Variants in LPAR2 observed in about 807,000 individuals in gnomAD.
LPAR2 encodes G protein-coupled receptor.
A neutral mutation model predicts 15.6 loss-of-function variants in LPAR2; 10 were observed. The observed-to-expected ratio is 0.64, with a 90% confidence interval of 0.39 to 1.09. The LOEUF is 1.09. LPAR2 is among the 50% of genes least tolerant of loss of function. The pLI is 0.01. For missense variants in LPAR2, 413 were observed against 484.6 expected (o/e 0.85, Z 1.39); for synonymous variants, 204 against 207.4 (o/e 0.98, Z 0.14).
intron 2 of LPAR2, among the ~76,000 whole-genome samples, chr19:19,625,988 A>G (rs2061738002): frequency 6.7e-6 from 1 of 150,036 alleles, no homozygotes; most frequent in South Asian, 2.1e-4. Context: ...GGTTCAAGCA[A>G]TTCTCCTGCC....
rs557003143 is a variant in LPAR2, at chr19:19,626,719, T to C, written c.566A>G (p.Tyr189Cys). 1.9e-6 allele frequency: 3 copies of C among 1,613,440 alleles called. No homozygotes were observed. Among genetic ancestry groups the C allele is most frequent in the South Asian group, 2.2e-5 (2 of 91,078 alleles). The change falls in exon 2 of 3, where the codon TAT becomes TGT. Residue 189 changes from tyrosine to cysteine, a missense_variant. Coordinates refer to ENST00000407877, the MANE Select transcript of LPAR2 (RefSeq NM_004720.7). This position sits in a 1 kb window ranked among gnomAD's most constrained non-coding sequence, Gnocchi z 5.3. The stretch of plus-strand genomic sequence containing the variant: ...GCTCGACAGAGCCCAGACGGCCAAA[T>C]AGGAGCGGCTGAGCAGGGGTGCCAT...
intron 2 of LPAR2, among the ~76,000 whole-genome samples, chr19:19,625,171 CA>C (rs1369958233): frequency 2.6e-5 from 4 of 151,998 alleles, no homozygotes; most frequent in Admixed American, 2.6e-4. Context: ...GGCTGGAGTG[CA>C]GTGGCACGAT....
In LPAR2 at chr19:19,626,521, GC is replaced by G. The variant is rs35494403; in HGVS notation, c.742+21del. The G allele has an allele frequency of 6.4e-7, 1 of 1,568,948 alleles. No homozygotes were observed. The highest frequency in any genetic ancestry group is 8.6e-7 in the Non-Finnish European group (1 of 1,156,986). On this transcript the variant is annotated intron_variant, in intron 2 of 2. Coordinates refer to ENST00000407877, the MANE Select transcript of LPAR2 (RefSeq NM_004720.7). The surrounding 1 kb of genome is among the most constrained non-coding windows in gnomAD (Gnocchi z 5.3). ...GATAGGGGGAAGCAGGGTCCCTGTT[GC>G]CCCCTGGGGGCCCCACTTACCCAGG...
rs1012647218 is a variant in LPAR2 at position 19,627,375 on chromosome 19, C to T, written c.1-91G>A. On this transcript the variant is annotated intron_variant, in intron 1 of 2. Coordinates refer to ENST00000407877, the MANE Select transcript of LPAR2 (RefSeq NM_004720.7). The surrounding 1 kb of genome is among the most constrained non-coding windows in gnomAD (Gnocchi z 4.7). The stretch of plus-strand genomic sequence containing the variant: ...CAGAGGAGGGTCAGCGCAGGAAGGA[C>T]AAGGGTCTCAAATTCAGATACCTCG... 17 of 1,323,888 alleles carry T rather than the reference C, an allele frequency of 1.3e-5. No homozygotes were observed. Among genetic ancestry groups the T allele is most frequent in the Non-Finnish European group, 1.8e-5 (17 of 962,010 alleles). The allele number at this position is 1,323,888 out of a possible 1,614,324, so 82.0% of individuals were successfully genotyped here.
At position 19,627,124 on chromosome 19, in the gene LPAR2, A is replaced by G; in HGVS notation, c.161T>C (p.Ile54Thr). 6.2e-7 allele frequency: 1 copy of G among 1,612,792 alleles called. No homozygotes were observed. The highest frequency in any genetic ancestry group is 8.5e-7 in the Non-Finnish European group (1 of 1,179,638). Residue 54 changes from isoleucine (I) to threonine (T), a missense_variant, in exon 2 of 3, where the codon ATA (isoleucine) becomes ACA (threonine). Transcript: ENST00000407877. This position sits in a 1 kb window ranked among gnomAD's most constrained non-coding sequence, Gnocchi z 4.7. Reference sequence around the variant, plus strand: ...GCGGCGGTTGGAGGCGATGGCTGCTATGACCAGCAGATTGGTCAGCAGCAC... The same window carrying G: ...GCGGCGGTTGGAGGCGATGGCTGCTGTGACCAGCAGATTGGTCAGCAGCAC...
chr19:19,626,963 G>A lies in LPAR2; in HGVS notation c.322C>T (p.Gln108Ter). The A allele has an allele frequency of 6.2e-7, 1 of 1,611,696 alleles. No individual in the cohort carries two copies. Among genetic ancestry groups the A allele is most frequent in the Non-Finnish European group, 8.5e-7 (1 of 1,179,256 alleles). Residue 108 changes from glutamine (Q) to a stop codon, truncating the protein, a stop_gained, in exon 2 of 3, where the codon CAG becomes TAG. Transcript: ENST00000407877. LOFTEE classifies it high-confidence loss of function. The surrounding 1 kb of genome is among the most constrained non-coding windows in gnomAD (Gnocchi z 5.3). ...GTGAGGCTTGTGTCCAGCAAGCCCT[G>A]CCGCAGGAACCAGCCCTCAAGTGAA...
rs2061727077 is a variant in LPAR2, at chr19:19,623,919, C to T, written c.*337G>A. The T allele has an allele frequency of 3.3e-6, 1 of 301,354 alleles. No homozygotes were observed. Among genetic ancestry groups the T allele is most frequent in the Non-Finnish European group, 6.2e-6 (1 of 160,240 alleles). 18.7% of individuals were successfully genotyped at this position (301,354 alleles called of 1,614,324 possible). A position where few individuals can be genotyped will look rare whatever the true frequency, so the allele number is the denominator to read the frequency against. ...CCCTTATCTCTCCCCACCTTAAAAC[C>T]CTCAGCATCACACAGCAGGAACCAG... is the stretch of plus-strand genomic sequence containing the variant. On this transcript the variant is annotated 3_prime_UTR_variant, in exon 3 of 3. Transcript: ENST00000407877.
At position 19,624,542 on chromosome 19, in the gene LPAR2, C is replaced by T; in HGVS notation, c.770G>A (p.Gly257Asp). 1 of 1,608,584 alleles carries T rather than the reference C, an allele frequency of 6.2e-7. No homozygotes were observed. The highest frequency in any genetic ancestry group is 2.2e-5 in the East Asian group (1 of 44,786). ...ACCATCCAGGAGCAGTACCACCTGG[C>T]CTGGTGTCCAGCAGACCACGAACGC... is the stretch of plus-strand genomic sequence containing the variant. The change falls in exon 3 of 3, where the codon GGC becomes GAC. Residue 257 changes from glycine to aspartate, a missense_variant. Physicochemically the swap from Gly to Asp is moderately conservative, Grantham distance 94 (BLOSUM62 -1). Coordinates refer to ENST00000407877, the MANE Select transcript of LPAR2 (RefSeq NM_004720.7).
chr19:19,626,775 G>A lies in LPAR2; in HGVS notation c.510C>T (p.His170=), dbSNP rs377032012. ...AGCAGCGGTCCAGGGCACAGAGGCA[G>A]TGCCAGGAGTGGGCAGGCAGCAGCC... The change falls in exon 2 of 3, where the codon CAC becomes CAT. Residue 170 remains histidine (H), a synonymous_variant. Transcript: ENST00000407877. The surrounding 1 kb of genome is among the most constrained non-coding windows in gnomAD (Gnocchi z 5.3). 5 of 1,609,312 alleles carry A rather than the reference G, an allele frequency of 3.1e-6. No homozygotes were observed. Among genetic ancestry groups the A allele is most frequent in the Non-Finnish European group, 4.2e-6 (5 of 1,178,278 alleles).
In LPAR2 at chr19:19,624,165, G is replaced by A. The variant is rs992845153; in HGVS notation, c.*91C>T. 18 of 1,316,910 alleles carry A rather than the reference G, an allele frequency of 1.4e-5. No homozygotes were observed. Among genetic ancestry groups the A allele is most frequent in the Middle Eastern group, 4.6e-4 (2 of 4,304 alleles). 81.6% of individuals were successfully genotyped at this position (1,316,910 alleles called of 1,614,324 possible). ...CAGACCTTGTCCTGCCAGTCAGTCA[G>A]TCCTGTTGGTTGGGTTGAGCCAGGA... On this transcript the variant is annotated 3_prime_UTR_variant, in exon 3 of 3. Transcript: ENST00000407877.
Position 19,626,591 on chromosome 19 carries a change from A to G in LPAR2, c.694T>C (p.Tyr232His), listed in dbSNP as rs764763094. The change falls in exon 2 of 3, where the codon TAC becomes CAC. Residue 232 changes from tyrosine (Y) to histidine (H), a missense_variant. Transcript: ENST00000407877. This position sits in a 1 kb window ranked among gnomAD's most constrained non-coding sequence, Gnocchi z 5.3. ...ACCAGGCTGAGCGTGGTCTCTCGGT[A>G]GCGGGGGTGGCAGCTGACATGCTCT... 2 of 1,612,852 alleles carry G rather than the reference A, an allele frequency of 1.2e-6. No homozygotes were observed. Among genetic ancestry groups the G allele is most frequent in the African/African-American group, 2.7e-5 (2 of 74,936 alleles).
In LPAR2 at chr19:19,627,941, G is replaced by C. The variant is rs2061751657; in HGVS notation, c.-1+151C>G. On this transcript the variant is annotated intron_variant, in intron 1 of 2. Transcript: ENST00000407877. This position sits in a 1 kb window ranked among gnomAD's most constrained non-coding sequence, Gnocchi z 4.7. Reference sequence around the variant, plus strand: ...CAAAGACAGCGGTTGGGGAAGGGATGGATGGCCGGGCCTCCAGGCGTCTCC... The same window carrying C: ...CAAAGACAGCGGTTGGGGAAGGGATCGATGGCCGGGCCTCCAGGCGTCTCC... The C allele has an allele frequency of 1.3e-5, 2 of 153,724 alleles. No homozygotes were observed. Among genetic ancestry groups the C allele is most frequent in the Non-Finnish European group, 2.9e-5 (2 of 69,186 alleles). The allele number at this position is 153,724 out of a possible 1,614,324, so 9.5% of individuals were successfully genotyped here. A position where few individuals can be genotyped will look rare whatever the true frequency, so the allele number is the denominator to read the frequency against.
In LPAR2 at chr19:19,626,511, G is replaced by T. The variant is rs879120461; in HGVS notation, c.742+32C>A. ...TCTTGTGGGAGATAGGGGGAAGCAG[G>T]GTCCCTGTTGCCCCCTGGGGGCCCC... On this transcript the variant is annotated intron_variant, in intron 2 of 2. Coordinates refer to ENST00000407877, the MANE Select transcript of LPAR2 (RefSeq NM_004720.7). The surrounding 1 kb of genome is among the most constrained non-coding windows in gnomAD (Gnocchi z 5.3). 2.6e-6 allele frequency: 4 copies of T among 1,556,522 alleles called. No homozygotes were observed. Among genetic ancestry groups the T allele is most frequent in the Admixed American group, 1.9e-5 (1 of 52,108 alleles).
chr19:19,625,079 C>T (rs1342379184), intron 2 of LPAR2, among the ~76,000 whole-genome samples: 1 of 151,836 alleles, frequency 6.6e-6, no homozygotes, highest in Non-Finnish European at 1.5e-5. Context: ...CTCAGCCTCC[C>T]GAAGTGTTGG....
Position 19,628,215 on chromosome 19 carries a change from T to C in LPAR2, c.-124A>G, listed in dbSNP as rs1333293206. 1 of 151,876 alleles carries C rather than the reference T, an allele frequency of 6.6e-6. No homozygotes were observed. The highest frequency in any genetic ancestry group is 1.5e-5 in the Non-Finnish European group (1 of 67,928). The allele number at this position is 151,876 out of a possible 1,614,324, so 9.4% of individuals were successfully genotyped here. The stretch of plus-strand genomic sequence containing the variant: ...TCCGGGTGCGCCCTGTGCGGGTTGC[T>C]GAGAGGGCGCGGGAGGCGGGGTCTC... On this transcript the variant is annotated 5_prime_UTR_variant, in exon 1 of 3. Coordinates refer to ENST00000407877, the MANE Select transcript of LPAR2 (RefSeq NM_004720.7).
chr19:19,625,782 C>CAA (rs34230172), intron 2 of LPAR2, among the ~76,000 whole-genome samples: 895 of 76,224 alleles, frequency 0.012, 9 homozygotes, highest in Non-Finnish European at 0.015. Flanking sequence ...GACTCTGTCT[C>CAA]AAAAAAAAAA....
rs1309008101 is a variant in LPAR2, at chr19:19,626,321, G to A, written c.742+222C>T. ...AGGCTCTGGCCTCGTACTGCCTTGA[G>A]GTTTTTACTTTCCGTTTCCTCTGCC... On this transcript the variant is annotated intron_variant, in intron 2 of 2. Transcript: ENST00000407877. The surrounding 1 kb of genome is among the most constrained non-coding windows in gnomAD (Gnocchi z 5.3). 6.6e-6 allele frequency among the ~76,000 whole-genome samples: 1 copy of A among 152,208 alleles called. No homozygotes were observed. Among genetic ancestry groups the A allele is most frequent in the Non-Finnish European group, 1.5e-5 (1 of 68,040 alleles).
In LPAR2 at chr19:19,626,935, G is replaced by T; in HGVS notation, c.350C>A (p.Ala117Glu). 3.1e-6 allele frequency: 5 copies of T among 1,607,404 alleles called. No homozygotes were observed. Among genetic ancestry groups the T allele is most frequent in the Non-Finnish European group, 4.2e-6 (5 of 1,177,526 alleles). The stretch of plus-strand genomic sequence containing the variant: ...GATGGCCAGCAGTGTGGCCACCGAC[G>T]CAGTGAGGCTTGTGTCCAGCAAGCC... The change falls in exon 2 of 3, where the codon GCG (alanine) becomes GAG (glutamate). Residue 117 changes from alanine to glutamate, a missense_variant. By Grantham distance (107) the Ala-to-Glu change is moderately radical. Coordinates refer to ENST00000407877, the MANE Select transcript of LPAR2 (RefSeq NM_004720.7). This position sits in a 1 kb window ranked among gnomAD's most constrained non-coding sequence, Gnocchi z 5.3.
Position 19,627,193 on chromosome 19 carries a change from T to C in LPAR2, c.92A>G (p.Lys31Arg), listed in dbSNP as rs540220443. ...CCCCAGTGCCACCACGACCACATCC[T>C]TGGGCCGCCAGTGGGAGCTGAGCTC... is the stretch of plus-strand genomic sequence containing the variant. Residue 31 changes from lysine (K) to arginine (R), a missense_variant, in exon 2 of 3, where the codon AAG (lysine) becomes AGG (arginine). By Grantham distance (26) the Lys-to-Arg change is conservative (BLOSUM62 2). Coordinates refer to ENST00000407877, the MANE Select transcript of LPAR2 (RefSeq NM_004720.7). The surrounding 1 kb of genome is among the most constrained non-coding windows in gnomAD (Gnocchi z 4.7). The C allele has an allele frequency of 6.2e-7, 1 of 1,613,034 alleles. No individual in the cohort carries two copies. The highest frequency in any genetic ancestry group is 1.3e-5 in the African/African-American group (1 of 75,056).
Sources: gnomAD v4.1 joint callset for allele counts (sites outside exome capture counted in the v4.1 genomes callset) on GRCh38, gnomAD v4.1.1 for gene constraint, Gnocchi (gnomAD v3.1) non-coding constraint, MANE v1.5 for transcripts, NCBI Gene and HGNC (gene_info 2026-07-23, HGNC 2026-07-21) for gene names.